Variants in PEX5L observed in about 807,000 individuals in gnomAD.
PEX5L encodes the protein PEX5-related protein.
A neutral mutation model predicts 84.0 loss-of-function variants in PEX5L; 30 were observed. That is an observed-to-expected ratio of 0.36 (90% CI 0.27 to 0.48). PEX5L has a LOEUF of 0.48. Ranked by LOEUF, PEX5L falls within the 20% of genes least tolerant of loss-of-function variation. The probability of loss-of-function intolerance (pLI) is 0.99; values close to 1 mark genes in which losing one functional copy is unlikely to be tolerated. For missense variants in PEX5L, 533 were observed against 754.6 expected (o/e 0.71, Z 3.44); for synonymous variants, 270 against 283.1 (o/e 0.95, Z 0.46).
At chr3:179,977,968 G>A (rs1362472228) in intron 1 of PEX5L, among the ~76,000 whole-genome samples, 2 of 152,118 alleles carry the variant, frequency 1.3e-5, no homozygotes, top group African/African-American at 4.8e-5. Context: ...CAAAACATAT[G>A]GCAATCAGAC....
intron 14 of PEX5L, among the ~76,000 whole-genome samples, chr3:179,802,507 C>A (rs1286868271): frequency 7.1e-6 from 1 of 140,080 alleles, no homozygotes; most frequent in Non-Finnish European, 1.5e-5. Context: ...TGCCCTCCAG[C>A]CTGGGCAACA....
chr3:179,855,825 C>A (rs1743714633), intron 8 of PEX5L, among the ~76,000 whole-genome samples: 1 of 152,156 alleles, frequency 6.6e-6, no homozygotes, highest in Non-Finnish European at 1.5e-5. Context: ...GGGCCCTCAG[C>A]AGACACCAAA....
At chr3:179,920,833 G>T (rs1769111662) in intron 2 of PEX5L, among the ~76,000 whole-genome samples, 1 of 152,004 alleles carries the variant, frequency 6.6e-6, no homozygotes, top group South Asian at 2.1e-4. Flanking sequence ...GAATTTAATT[G>T]TACCTTGCTA....
chr3:179,802,877 C>T lies in PEX5L; in HGVS notation c.1677-845G>A, dbSNP rs62291565. ...GCAAATTTCTTGTTTTTTTTTTTTC[C>T]AAGGATTACTTTCCCTGAGTGTGTA... On this transcript the variant is annotated intron_variant, in intron 14 of 14. Coordinates refer to ENST00000467460, the MANE Select transcript of PEX5L (RefSeq NM_016559.3). Among the ~76,000 whole-genome samples, 9 of 148,962 alleles carry T rather than the reference C, an allele frequency of 6.0e-5. 1 individual carries two copies. The highest frequency in any genetic ancestry group is 1.5e-5 in the Non-Finnish European group (1 of 67,528).
chr3:179,974,031 C>A (rs370382040), intron 1 of PEX5L: 2 of 985,288 alleles, frequency 2.0e-6, no homozygotes, highest in Non-Finnish European at 2.4e-6. Flanking sequence ...ATTTCTAGTG[C>A]GAGCATAATC....
At chr3:179,983,836 C>T (rs1020476116) in intron 1 of PEX5L, among the ~76,000 whole-genome samples, 3 of 151,988 alleles carry the variant, frequency 2.0e-5, no homozygotes, top group Admixed American at 6.6e-5. Flanking sequence ...TAGTTAAAGA[C>T]GTTTCTGATG....
intron 2 of PEX5L, among the ~76,000 whole-genome samples, chr3:179,907,063 C>T (rs1763468376): frequency 6.6e-6 from 1 of 152,096 alleles, no homozygotes. Context: ...ATATAATAAA[C>T]AAGATTCCCT....
chr3:179,810,973 C>A (rs1723535627), intron 11 of PEX5L, among the ~76,000 whole-genome samples: 1 of 152,124 alleles, frequency 6.6e-6, no homozygotes, highest in African/African-American at 2.4e-5. Flanking sequence ...GTGACCTTGA[C>A]CTTTCCTGAT....
At chr3:179,949,148 T>C (rs1471045133) in intron 2 of PEX5L, among the ~76,000 whole-genome samples, 1 of 152,160 alleles carries the variant, frequency 6.6e-6, no homozygotes, top group Non-Finnish European at 1.5e-5. Context: ...TGTTGCAATA[T>C]TCTATTTTAA....
At chr3:179,811,219 G>A (rs1188434235) in intron 11 of PEX5L, among the ~76,000 whole-genome samples, 2 of 4,422 alleles carry the variant, frequency 4.5e-4, no homozygotes, top group Admixed American at 2.0e-3. Flanking sequence ...TGGAATGTAT[G>A]TGTGTGTGTG....
intron 8 of PEX5L, among the ~76,000 whole-genome samples, chr3:179,825,104 A>C (rs776121117): frequency 1.2e-4 from 18 of 152,180 alleles, no homozygotes; most frequent in Non-Finnish European, 1.8e-4. Flanking sequence ...GACAAACTGG[A>C]ATCTCTTCAG....
intron 2 of PEX5L, among the ~76,000 whole-genome samples, chr3:179,955,442 T>C (rs1484812878): frequency 6.6e-6 from 1 of 151,872 alleles, no homozygotes; most frequent in African/African-American, 2.4e-5. Flanking sequence ...GACTTTTTTT[T>C]TTTTGCTGAA....
chr3:179,934,234 T>A (rs1390904591), intron 2 of PEX5L, among the ~76,000 whole-genome samples: 1 of 152,226 alleles, frequency 6.6e-6, no homozygotes, highest in African/African-American at 2.4e-5. Flanking sequence ...CATTTACATA[T>A]AGCACATTTC....
chr3:179,807,571 T>G, intron 14 of PEX5L, 103 bp downstream of exon 14: 1 of 1,070,534 alleles, frequency 9.3e-7, no homozygotes, highest in Non-Finnish European at 1.4e-6. Context: ...GGAGGAGGAA[T>G]ACTCCTACCA....
At chr3:179,924,363 C>T (rs1397780899) in intron 2 of PEX5L, among the ~76,000 whole-genome samples, 4 of 152,194 alleles carry the variant, frequency 2.6e-5, no homozygotes. Flanking sequence ...GAGTCATCTT[C>T]ATAGCTCCCT....
chr3:179,958,418 T>C (rs1781150697), intron 2 of PEX5L, among the ~76,000 whole-genome samples: 1 of 152,216 alleles, frequency 6.6e-6, no homozygotes, highest in Non-Finnish European at 1.5e-5. Flanking sequence ...GTAAAATGGG[T>C]ATGATAGTAA....
At chr3:179,925,179 ATTC>A (rs1435876786) in intron 2 of PEX5L, among the ~76,000 whole-genome samples, 3 of 152,206 alleles carry the variant, frequency 2.0e-5, no homozygotes, top group African/African-American at 7.2e-5. Context: ...AATTCTGGTC[ATTC>A]TTTAAACTCT....
At chr3:179,981,614 A>G (rs1052471155) in intron 1 of PEX5L, among the ~76,000 whole-genome samples, 1 of 152,252 alleles carries the variant, frequency 6.6e-6, no homozygotes, top group African/African-American at 2.4e-5. Context: ...TGGGCCTACA[A>G]CAGACACATC....
At chr3:179,956,988 A>C (rs1395439169) in intron 2 of PEX5L, among the ~76,000 whole-genome samples, 4 of 152,172 alleles carry the variant, frequency 2.6e-5, no homozygotes, top group Non-Finnish European at 4.4e-5. Flanking sequence ...TCACTGCATG[A>C]GCCAGTGAAA....
Sources: allele counts gnomAD v4.1 joint callset (sites outside exome capture counted in the v4.1 genomes callset), GRCh38; gene constraint gnomAD v4.1.1; transcripts MANE v1.5; gene names NCBI Gene and HGNC (gene_info 2026-07-23, HGNC 2026-07-21).